The following DAB1 variants were observed in gnomAD, a reference collection of about 807,000 sequenced individuals.
DAB1 encodes the protein DAB adaptor protein 1, also known as disabled homolog 1.
In DAB1, 15 loss-of-function variants were observed where a neutral mutation model predicts 64.6. That is an observed-to-expected ratio of 0.23 (90% confidence interval 0.16 to 0.36). DAB1 has a LOEUF of 0.36. Among genes scored for constraint, DAB1 ranks in the 10% least tolerant of loss-of-function variants. DAB1 has a pLI of 1.00. For missense variants in DAB1, 596 were observed against 706.7 expected, an observed-to-expected ratio of 0.84 and a Z score of 1.78; for synonymous variants, 235 against 251.9, an observed-to-expected ratio of 0.93 and a Z score of 0.64.
chr1:57,452,419 A>G (rs1375635329), intron 7 of DAB1, among the ~76,000 whole-genome samples: 2 of 152,076 alleles, frequency 1.3e-5, no homozygotes, highest in African/African-American at 2.4e-5. Context: ...AAGCAGCATG[A>G]CCAGGACATT....
chr1:57,022,386 C>A (rs2100371719), intron 11 of DAB1, among the ~76,000 whole-genome samples: 1 of 152,306 alleles, frequency 6.6e-6, no homozygotes, highest in African/African-American at 2.4e-5. Context: ...GAAAACTAGT[C>A]ATCATCACTA....
chr1:57,832,699 G>T (rs1368170050), intron 1 of DAB1, among the ~76,000 whole-genome samples: 1 of 152,188 alleles, frequency 6.6e-6, no homozygotes, highest in African/African-American at 2.4e-5. Context: ...TCAATTTCTG[G>T]GGGGGCAAAG....
chr1:57,658,588 A>G (rs1273769338), intron 6 of DAB1, among the ~76,000 whole-genome samples: 1 of 150,010 alleles, frequency 6.7e-6, no homozygotes. Context: ...TTTGAGACAC[A>G]ATCTTGATCT....
intron 6 of DAB1, among the ~76,000 whole-genome samples, chr1:57,675,378 C>T (rs1646554002): frequency 6.6e-6 from 1 of 152,196 alleles, no homozygotes; most frequent in African/African-American, 2.4e-5. Flanking sequence ...GGAAGCTCTA[C>T]AGAGTCGTGA....
intron 6 of DAB1, among the ~76,000 whole-genome samples, chr1:57,657,725 T>G (rs1449827786): frequency 3.9e-5 from 6 of 152,204 alleles, no homozygotes; most frequent in Non-Finnish European, 8.8e-5. Flanking sequence ...AATACGTTCA[T>G]GTGTGTAGTG....
At chr1:57,371,971 G>T (rs1207441070) in intron 1 of DAB1, among the ~76,000 whole-genome samples, 1 of 152,172 alleles carries the variant, frequency 6.6e-6, no homozygotes, top group African/African-American at 2.4e-5. Context: ...CTGAAACGGA[G>T]AAATCCTGCT....
chr1:57,348,920 T>A (rs911088911), intron 1 of DAB1, among the ~76,000 whole-genome samples: 3 of 152,092 alleles, frequency 2.0e-5, no homozygotes, highest in African/African-American at 7.2e-5. Context: ...CCAGACACCA[T>A]GCTCCTCCCA....
intron 4 of DAB1, among the ~76,000 whole-genome samples, chr1:58,184,296 C>A (rs1332307364): frequency 6.8e-6 from 1 of 147,928 alleles, no homozygotes; most frequent in South Asian, 2.1e-4. Context: ...TGATATATAA[C>A]ATAATAATAT....
At chr1:57,331,353 C>T (rs1448329648) in intron 1 of DAB1, among the ~76,000 whole-genome samples, 1 of 152,174 alleles carries the variant, frequency 6.6e-6, no homozygotes, top group Non-Finnish European at 1.5e-5. Context: ...TCCTATGTTA[C>T]AAATTTATAA....
upstream of DAB1, among the ~76,000 whole-genome samples, chr1:57,426,966 C>T (rs2101107582): frequency 6.6e-6 from 1 of 151,726 alleles, no homozygotes; most frequent in Non-Finnish European, 1.5e-5. Flanking sequence ...TGGGTTCACG[C>T]CATTCTCCTG....
chr1:57,830,127 C>T (rs1039372862), intron 1 of DAB1, among the ~76,000 whole-genome samples: 2 of 152,168 alleles, frequency 1.3e-5, no homozygotes, highest in African/African-American at 4.8e-5. Context: ...CAAGAATGTT[C>T]TGTAAGTGAC....
At chr1:58,046,781 C>G (rs974433187) in intron 5 of DAB1, among the ~76,000 whole-genome samples, 1 of 152,170 alleles carries the variant, frequency 6.6e-6, no homozygotes, top group Non-Finnish European at 1.5e-5. Flanking sequence ...TGCTGTAGAA[C>G]AGAGCTCCTG....
rs1324660767 is a variant in DAB1, at chr1:57,560,635, G to C, written n.625+88957C>G. Among the ~76,000 whole-genome samples, 9 of 152,168 alleles carry C rather than the reference G, an allele frequency of 5.9e-5. 1 individual carries two copies. Among genetic ancestry groups the C allele is most frequent in the African/African-American group, 7.2e-5 (3 of 41,440 alleles). On this transcript the variant is annotated intron_variant and non_coding_transcript_variant, in intron 7 of 20. Transcript: ENST00000485760. ...AGTGACCCCGAAGGCTGCCAGTTTT[G>C]AGTAGGGTCCAGAACAGTAGAAGGT...
chr1:57,089,390 T>C (rs959575220), intron 4 of DAB1, among the ~76,000 whole-genome samples: 1 of 152,190 alleles, frequency 6.6e-6, no homozygotes, highest in African/African-American at 2.4e-5. Flanking sequence ...AGATACGTAA[T>C]TGGCTCACTG....
intron 6 of DAB1, among the ~76,000 whole-genome samples, chr1:57,663,402 G>A (rs1386257588): frequency 2.0e-5 from 3 of 152,136 alleles, no homozygotes; most frequent in South Asian, 2.1e-4. Flanking sequence ...AGCTTAGAAG[G>A]AAGAAGGAAT....
intron 6 of DAB1, among the ~76,000 whole-genome samples, chr1:57,794,913 A>T (rs1163622691): frequency 6.6e-6 from 1 of 152,202 alleles, no homozygotes; most frequent in Non-Finnish European, 1.5e-5. Flanking sequence ...AGGAATCAAG[A>T]TCTCAGGGGA....
rs143222931 is a variant in DAB1, at chr1:57,367,914, A to C, written c.-137+56016T>G. ...CCCACTCCTCAGAGCAGGCAGAAGCACCTCCCTCCTGGGTGCAGCTGCAGC... is the reference window on the plus strand; with the variant it reads ...CCCACTCCTCAGAGCAGGCAGAAGCCCCTCCCTCCTGGGTGCAGCTGCAGC... On this transcript the variant is annotated intron_variant, in intron 1 of 14. Transcript: ENST00000371236. Among the ~76,000 whole-genome samples, 129 of 152,090 alleles carry C rather than the reference A, an allele frequency of 8.5e-4. 1 individual carries two copies. In the East Asian group the frequency reaches 0.023, roughly 27 times the overall value.
intron 6 of DAB1, among the ~76,000 whole-genome samples, chr1:57,676,349 C>T (rs998002697): frequency 2.0e-5 from 3 of 152,196 alleles, no homozygotes; most frequent in African/African-American, 7.2e-5. Context: ...TAAGAATGAT[C>T]GAGTCTCAGT....
At chr1:57,039,092 G>A (rs1400779260) in intron 9 of DAB1, among the ~76,000 whole-genome samples, 1 of 152,256 alleles carries the variant, frequency 6.6e-6, no homozygotes, top group Non-Finnish European at 1.5e-5. Flanking sequence ...AGGAGAGGCA[G>A]AGTGAGGGAA....
Sources: gnomAD v4.1 joint callset for allele counts (sites outside exome capture counted in the v4.1 genomes callset) on GRCh38, gnomAD v4.1.1 for gene constraint, MANE v1.5 for transcripts, NCBI Gene and HGNC (gene_info 2026-07-23, HGNC 2026-07-21) for gene names.